Variants in C12orf54 observed in about 807,000 individuals in gnomAD.
The protein encoded by C12orf54 is uncharacterized protein C12orf54.
Under a neutral mutation model 26.4 loss-of-function variants are expected in C12orf54, and 24 were observed. The observed-to-expected ratio is 0.91, with a 90% CI of 0.66 to 1.28. The LOEUF is 1.28. Ranked by LOEUF, C12orf54 falls within the 50% of genes most tolerant of loss-of-function variation. The pLI, the probability that C12orf54 is intolerant of heterozygous loss-of-function variation, is 0.00. For synonymous variants in C12orf54, 54 were observed against 47.0 expected (o/e 1.15, Z -0.61); for missense variants, 154 against 150.9 (o/e 1.02, Z -0.11).
chr12:48,421,460 C>CATGAG, the C12orf54 span, among the ~76,000 whole-genome samples: 1 of 142,078 alleles, frequency 7.0e-6, no homozygotes, highest in African/African-American at 2.6e-5. Flanking sequence ...TACAGTTGAA[C>CATGAG]ATGAGATGAG....
chr12:48,441,453 G>A, the C12orf54 span, among the ~76,000 whole-genome samples: 1 of 151,960 alleles, frequency 6.6e-6, no homozygotes. Flanking sequence ...ACCAAAAGAG[G>A]CCGTCTTAAA....
the C12orf54 span, among the ~76,000 whole-genome samples, chr12:48,426,368 A>G: frequency 6.6e-6 from 1 of 151,940 alleles, no homozygotes; most frequent in African/African-American, 2.4e-5. Flanking sequence ...TTCTTTTGTC[A>G]TCTTGTCAAA....
At chr12:48,476,495 A>C in the C12orf54 span, among the ~76,000 whole-genome samples, 37 of 152,356 alleles carry the variant, frequency 2.4e-4, no homozygotes, top group South Asian at 2.1e-3. Context: ...TGTATTCAGG[A>C]AACCTATCTC....
chr12:48,447,534 T>C, the C12orf54 span, among the ~76,000 whole-genome samples: 1 of 152,178 alleles, frequency 6.6e-6, no homozygotes, highest in Non-Finnish European at 1.5e-5. Context: ...TTGCTTAGGA[T>C]TCCAATTTTC....
chr12:48,460,310 T>C, the C12orf54 span, among the ~76,000 whole-genome samples: 28 of 152,076 alleles, frequency 1.8e-4, no homozygotes, highest in East Asian at 4.8e-3. Flanking sequence ...CAAACAAAAC[T>C]ATAAAGAAAG....
At chr12:48,449,870 C>T in the C12orf54 span, among the ~76,000 whole-genome samples, 17 of 152,174 alleles carry the variant, frequency 1.1e-4, no homozygotes, top group African/African-American at 3.1e-4. Context: ...GGAATTCCCA[C>T]GTGTTGTGGG....
At chr12:48,480,257 A>G (rs1954185256), upstream of C12orf54, among the ~76,000 whole-genome samples, 1 of 152,156 alleles carries the variant, frequency 6.6e-6, no homozygotes, top group Non-Finnish European at 1.5e-5. Flanking sequence ...CAAAAAAATT[A>G]CTTTTAAGAA....
upstream of C12orf54, among the ~76,000 whole-genome samples, chr12:48,481,994 G>A (rs1402462464): frequency 6.6e-6 from 1 of 152,136 alleles, no homozygotes; most frequent in Non-Finnish European, 1.5e-5. Flanking sequence ...TACACCTAAT[G>A]CCTCTTCCCT....
chr12:48,487,033 T>C (rs1002090539), intron 4 of C12orf54, among the ~76,000 whole-genome samples: 2 of 152,212 alleles, frequency 1.3e-5, no homozygotes, highest in Non-Finnish European at 2.9e-5. Flanking sequence ...AGCACAGGTT[T>C]GGCCTTTCAC....
intron 4 of C12orf54, chr12:48,488,113 G>A: frequency 1.2e-6 from 1 of 818,842 alleles, no homozygotes. Flanking sequence ...TCCCAAGGCT[G>A]CATGAAGGAA....
the C12orf54 span, among the ~76,000 whole-genome samples, chr12:48,452,928 T>C: frequency 1.3e-5 from 2 of 152,186 alleles, no homozygotes; most frequent in East Asian, 3.8e-4. Flanking sequence ...GAAGACAGTG[T>C]GATGATTCCT....
At position 48,493,475 on chromosome 12, in the gene C12orf54, C is replaced by T. The variant is rs139494477; in HGVS notation, c.242+480C>T. 7.9e-5 allele frequency among the ~76,000 whole-genome samples: 12 copies of T among 151,788 alleles called. No individual in the cohort carries two copies. In the East Asian group the frequency reaches 2.3e-3, roughly 29 times the overall value. On this transcript the variant is annotated intron_variant, in intron 7 of 8. Coordinates refer to ENST00000548364, the MANE Select transcript of C12orf54 (RefSeq NM_152319.4). ...TCTCCACAAAATATACAAAAATTAG[C>T]CAGGTGTGGTGGTGCATGCCTGTAG... is the stretch of plus-strand genomic sequence containing the variant.
the C12orf54 span, chr12:48,472,764 T>A: frequency 1.4e-5 from 22 of 1,614,132 alleles, 1 homozygote; most frequent in East Asian, 4.9e-4. Flanking sequence ...TGAAGGCAAA[T>A]TGGAAGGCCT....
At chr12:48,446,891 A>C in the C12orf54 span, among the ~76,000 whole-genome samples, 1 of 152,202 alleles carries the variant, frequency 6.6e-6, no homozygotes, top group Non-Finnish European at 1.5e-5. Flanking sequence ...ATTTGACACA[A>C]AATAGACAAA....
At chr12:48,459,051 T>C in the C12orf54 span, among the ~76,000 whole-genome samples, 3 of 152,272 alleles carry the variant, frequency 2.0e-5, no homozygotes, top group African/African-American at 7.2e-5. Context: ...TCATACACTT[T>C]TTCTGCACCA....
At chr12:48,459,690 G>A in the C12orf54 span, among the ~76,000 whole-genome samples, 2 of 152,178 alleles carry the variant, frequency 1.3e-5, no homozygotes, top group Non-Finnish European at 2.9e-5. Flanking sequence ...TACAGTTGCA[G>A]TTTATTACAA....
chr12:48,424,065 A>G, the C12orf54 span, among the ~76,000 whole-genome samples: 1 of 152,124 alleles, frequency 6.6e-6, no homozygotes, highest in Non-Finnish European at 1.5e-5. Context: ...AGTGGAAGAT[A>G]AACATTATCA....
chr12:48,431,997 A>G, the C12orf54 span, among the ~76,000 whole-genome samples: 2 of 152,358 alleles, frequency 1.3e-5, no homozygotes, highest in East Asian at 3.8e-4. Flanking sequence ...AGTTCTTAAA[A>G]AGAAAAGATG....
chr12:48,436,857 A>G, the C12orf54 span, among the ~76,000 whole-genome samples: 6 of 152,366 alleles, frequency 3.9e-5, no homozygotes, highest in South Asian at 6.2e-4. Context: ...TAGAGAAGCA[A>G]GAGCAAACAC....
Sources: gnomAD v4.1 joint callset for allele counts (sites outside exome capture counted in the v4.1 genomes callset) on GRCh38, gnomAD v4.1.1 for gene constraint, MANE v1.5 for transcripts, NCBI Gene and HGNC (gene_info 2026-07-23, HGNC 2026-07-21) for gene names.